MTCL1: variants seen among roughly 807,000 people sequenced by gnomAD.
The protein encoded by MTCL1 is microtubule crosslinking factor 1.
A neutral mutation model predicts 141.4 loss-of-function variants in MTCL1; 79 were observed. That is an observed-to-expected ratio of 0.56 (90% CI 0.47 to 0.67). The LOEUF is 0.67. Among genes scored for constraint, MTCL1 ranks in the 30% least tolerant of loss-of-function variants. The pLI is 0.00. For missense variants in MTCL1, 2,177 were observed against 2,113.9 expected, an observed-to-expected ratio of 1.03 and a Z score of -0.59; for synonymous variants, 914 against 875.8, an observed-to-expected ratio of 1.04 and a Z score of -0.77.
chr18:8,748,597 T>C (rs1248553989), intron 4 of MTCL1, among the ~76,000 whole-genome samples: 3 of 152,140 alleles, frequency 2.0e-5, no homozygotes, highest in African/African-American at 4.8e-5. Flanking sequence ...CACACACATA[T>C]ACACACATAT....
intron 12 of MTCL1, 116 bp downstream of exon 11, chr18:8,813,349 G>A: frequency 1.6e-6 from 2 of 1,220,922 alleles, no homozygotes; most frequent in Non-Finnish European, 2.2e-6. Context: ...GGATGCATGG[G>A]CTTCCAAAGG....
At chr18:8,773,773 A>G (rs2096494107) in intron 4 of MTCL1, among the ~76,000 whole-genome samples, 1 of 152,178 alleles carries the variant, frequency 6.6e-6, no homozygotes, top group African/African-American at 2.4e-5. Flanking sequence ...ACACATACCA[A>G]ATAGTTCATC....
chr18:8,711,927 T>G (rs2096095086), intron 1 of MTCL1, among the ~76,000 whole-genome samples: 1 of 152,210 alleles, frequency 6.6e-6, no homozygotes. Flanking sequence ...TGTGTTTTGC[T>G]CGAGTGCTCG....
At chr18:8,725,756 A>T (rs2096204072) in intron 4 of MTCL1, among the ~76,000 whole-genome samples, 3 of 120,090 alleles carry the variant, frequency 2.5e-5, no homozygotes, top group Admixed American at 1.6e-4. Context: ...ACTTTGCGTT[A>T]TGTATTTTGG....
chr18:8,826,275 T>C, intron 15 of MTCL1, 43 bp downstream of exon 14: 1 of 1,466,322 alleles, frequency 6.8e-7, no homozygotes, highest in Non-Finnish European at 9.1e-7. Context: ...CACCAGCTCT[T>C]CCCTTTAGCT....
intron 14 of MTCL1, among the ~76,000 whole-genome samples, chr18:8,824,396 C>T (rs11876283): frequency 0.017 from 2,537 of 152,318 alleles, 67 homozygotes; most frequent in East Asian, 0.079. Context: ...GCACTGAGGC[C>T]TCAAGTGATT....
chr18:8,825,800 A>C, exon 15 of MTCL1: 1 of 1,614,122 alleles, frequency 6.2e-7, no homozygotes, highest in Non-Finnish European at 8.5e-7. Flanking sequence ...CCACCACCAC[A>C]AGGGAGAGCC....
exon 6 of MTCL1, chr18:8,783,661 C>T (rs867558642): frequency 1.9e-6 from 3 of 1,612,764 alleles, no homozygotes; most frequent in Non-Finnish European, 2.5e-6. Flanking sequence ...ACAAGTCCCT[C>T]TATGGGGATG....
chr18:8,819,380 C>T (rs1209645660), intron 13 of MTCL1, 121 bp downstream of exon 12: 3 of 962,140 alleles, frequency 3.1e-6, no homozygotes, highest in Non-Finnish European at 4.6e-6. Flanking sequence ...ATACAGCAAC[C>T]TCCGAATTGA....
exon 17 of MTCL1, chr18:8,832,303 G>C (rs1420676465): frequency 6.2e-6 from 1 of 161,114 alleles, no homozygotes; most frequent in East Asian, 1.8e-4. Context: ...GTCTGATTCA[G>C]TGAACTTTTT....
In MTCL1 at chr18:8,718,498, G is replaced by T. The variant is rs778065753; in HGVS notation, c.48G>T (p.Leu16=). Reference sequence around the variant, plus strand: ...ATTTAGAGGAAGATGTTTACCAGCTGCAGGAACTTCGGCGAGAACTGGACC... The same window carrying T: ...ATTTAGAGGAAGATGTTTACCAGCTTCAGGAACTTCGGCGAGAACTGGACC... Residue 16 remains leucine, a synonymous_variant, in exon 3 of 17, where the codon CTG becomes CTT. Coordinates refer to ENST00000359865, the Ensembl canonical transcript of MTCL1. The T allele has an allele frequency of 2.5e-6, 4 of 1,614,114 alleles. No homozygotes were observed. The East Asian group carries it at 8.9e-5, about 36-fold the overall frequency.
chr18:8,705,651 G>A (rs1237193874), upstream of MTCL1: 7 of 1,211,702 alleles, frequency 5.8e-6, no homozygotes, highest in Middle Eastern at 3.0e-4. The surrounding 1 kb of genome is among the most constrained non-coding windows in gnomAD (Gnocchi z 5.2). Context: ...TGCTGCCGGC[G>A]GACCCGGCCA....
chr18:8,784,735 C>T (rs763342113), exon 6 of MTCL1: 3 of 1,614,170 alleles, frequency 1.9e-6, no homozygotes, highest in African/African-American at 2.7e-5. Context: ...ATGGCCTATC[C>T]CCCTTGCCCC....
chr18:8,775,969 A>G (rs1346244464), intron 4 of MTCL1, among the ~76,000 whole-genome samples: 1 of 152,234 alleles, frequency 6.6e-6, no homozygotes, highest in Admixed American at 6.5e-5. Context: ...ACAAATGGCA[A>G]GGGCTGGCAT....
chr18:8,785,125 C>T (rs2096547574), intron 6 of MTCL1, among the ~76,000 whole-genome samples: 2 of 151,900 alleles, frequency 1.3e-5, no homozygotes, highest in Non-Finnish European at 2.9e-5. Context: ...CCCTCCCAGA[C>T]ACGAGGCTGA....
chr18:8,786,057 A>G lies in MTCL1; in HGVS notation c.1853A>G (p.His618Arg), dbSNP rs1287574767. Residue 618 changes from histidine to arginine, a missense_variant, in exon 7 of 17, where the codon CAC becomes CGC. Coordinates refer to ENST00000359865, the Ensembl canonical transcript of MTCL1. ...CGCGCAGACGGGGACACCGGGAGCC[A>G]CGGGCTGGGAGGCCAGACCTGCTTC... 6.3e-6 allele frequency: 10 copies of G among 1,590,554 alleles called. No homozygotes were observed. In the East Asian group the frequency reaches 2.3e-4, roughly 36 times the overall value.
At chr18:8,825,904 G>GGGCCGGCAGTCGGTCTCGCTCAGCAGA in exon 15 of MTCL1, 6 of 1,612,198 alleles carry the variant, frequency 3.7e-6, no homozygotes, top group Non-Finnish European at 4.2e-6. Flanking sequence ...AAGGGGCTGC[G>GGGCCGGCAGTCGGTCTCGCTCAGCAGA]GGCCGGCAGT....
intron 4 of MTCL1, among the ~76,000 whole-genome samples, chr18:8,757,633 C>CCGTGTCCCCTTG (rs1349159224): frequency 5.9e-5 from 9 of 152,298 alleles, no homozygotes; most frequent in Non-Finnish European, 1.5e-5. Context: ...TGTGCAAGGG[C>CCGTGTCCCCTTG]CGTGTCCCCT....
At chr18:8,801,211 G>A (rs1202375553) in intron 10 of MTCL1, among the ~76,000 whole-genome samples, 2 of 152,122 alleles carry the variant, frequency 1.3e-5, no homozygotes, top group African/African-American at 4.8e-5. Context: ...CTTCCTTTCT[G>A]GCCATGCAGG....
Sources: gnomAD v4.1 joint callset for allele counts (sites outside exome capture counted in the v4.1 genomes callset) on GRCh38, gnomAD v4.1.1 for gene constraint, Gnocchi (gnomAD v3.1) non-coding constraint, MANE v1.5 for transcripts, NCBI Gene and HGNC (gene_info 2026-07-23, HGNC 2026-07-21) for gene names.